The following CERS6 variants were observed in gnomAD, a reference collection of about 807,000 sequenced individuals.
CERS6 encodes the protein ceramide synthase 6, also known as LAG1 homolog, ceramide synthase 6.
Under a neutral mutation model 56.8 loss-of-function variants are expected in CERS6, and 26 were observed. The observed-to-expected ratio is 0.46, with a 90% confidence interval of 0.34 to 0.63. CERS6 has a LOEUF of 0.63. CERS6 is among the 30% of genes least tolerant of loss of function. The pLI is 0.01. For missense variants in CERS6, 415 were observed against 467.5 expected (o/e 0.89, Z 1.04); for synonymous variants, 164 against 173.3 (o/e 0.95, Z 0.42).
chr2:168,540,233 G>A (rs1383918921), intron 1 of CERS6, among the ~76,000 whole-genome samples: 3 of 151,774 alleles, frequency 2.0e-5, no homozygotes, highest in Admixed American at 2.0e-4. Context: ...GGGTTGGAGG[G>A]GACTCTACAT....
intron 6 of CERS6, among the ~76,000 whole-genome samples, chr2:168,701,956 T>C (rs956137664): frequency 5.3e-5 from 8 of 152,202 alleles, no homozygotes; most frequent in African/African-American, 1.7e-4. Flanking sequence ...CCTAATGCCA[T>C]GTAAATGCAA....
intron 6 of CERS6, among the ~76,000 whole-genome samples, chr2:168,695,699 C>T (rs999111818): frequency 1.3e-5 from 2 of 152,194 alleles, no homozygotes; most frequent in African/African-American, 4.8e-5. Context: ...ATGCCCCATG[C>T]TCTACATATT....
intron 1 of CERS6, among the ~76,000 whole-genome samples, chr2:168,520,879 G>A (rs1694966064): frequency 6.6e-6 from 1 of 151,854 alleles, no homozygotes; most frequent in African/African-American, 2.4e-5. Context: ...AAAGTGCTGG[G>A]ATTACAGACG....
intron 8 of CERS6, among the ~76,000 whole-genome samples, chr2:168,751,687 G>T (rs1028258851): frequency 6.6e-6 from 1 of 151,978 alleles, no homozygotes; most frequent in South Asian, 2.1e-4. Context: ...CTAAATCAAG[G>T]CCTTAATCTA....
At chr2:168,662,448 G>A (rs947411236) in intron 4 of CERS6, among the ~76,000 whole-genome samples, 1 of 152,112 alleles carries the variant, frequency 6.6e-6, no homozygotes, top group African/African-American at 2.4e-5. Flanking sequence ...CCTGGAAAGG[G>A]CCAGGCACGG....
At chr2:168,732,257 A>T (rs1450278684) in intron 8 of CERS6, among the ~76,000 whole-genome samples, 1 of 152,200 alleles carries the variant, frequency 6.6e-6, no homozygotes, top group Non-Finnish European at 1.5e-5. Flanking sequence ...TTTGGTAATC[A>T]TTCCTTTCCT....
intron 3 of CERS6, among the ~76,000 whole-genome samples, chr2:168,578,614 TAA>T (rs1244554976): frequency 6.6e-6 from 1 of 152,140 alleles, no homozygotes; most frequent in African/African-American, 2.4e-5. Context: ...TGTATAAAAA[TAA>T]GAGAGAAAGG....
intron 1 of CERS6, among the ~76,000 whole-genome samples, chr2:168,511,950 GCACA>G (rs10568314): frequency 0.048 from 7,101 of 147,918 alleles, 236 homozygotes; most frequent in East Asian, 0.2. Flanking sequence ...GCATGCACGT[GCACA>G]CACACACACA....
chr2:168,600,481 G>T (rs13384812), intron 3 of CERS6, among the ~76,000 whole-genome samples: 1 of 152,108 alleles, frequency 6.6e-6, no homozygotes, highest in African/African-American at 2.4e-5. Flanking sequence ...TGGGATTACA[G>T]GCGTGAGCCA....
intron 3 of CERS6, among the ~76,000 whole-genome samples, chr2:168,576,989 G>A (rs1683291305): frequency 6.6e-6 from 1 of 152,200 alleles, no homozygotes; most frequent in Non-Finnish European, 1.5e-5. Flanking sequence ...TTTGATTTTG[G>A]TCATGTGAAT....
chr2:168,545,536 G>A (rs1695450983), intron 1 of CERS6, among the ~76,000 whole-genome samples: 1 of 151,316 alleles, frequency 6.6e-6, no homozygotes, highest in African/African-American at 2.4e-5. Context: ...TGATAACAGA[G>A]GTGAGGAAGT....
Position 168,765,484 on chromosome 2 carries a change from G to T in CERS6, c.846-108G>T, listed in dbSNP as rs186003084. On this transcript the variant is annotated intron_variant, in intron 8 of 9. Coordinates refer to ENST00000305747, the MANE Select transcript of CERS6 (RefSeq NM_203463.3). ...CTTTCACACCATCCTGCCAGAGAGG[G>T]GGTAGTTGGGAGATATTGTTGACCT... The T allele has an allele frequency of 2.3e-4, 250 of 1,090,650 alleles. 3 individuals are homozygous for T. In the East Asian group the frequency reaches 5.4e-3, roughly 24 times the overall value. 67.6% of individuals were successfully genotyped at this position (1,090,650 alleles called of 1,614,324 possible).
intron 4 of CERS6, among the ~76,000 whole-genome samples, chr2:168,654,281 G>T (rs1388048966): frequency 6.6e-6 from 1 of 152,152 alleles, no homozygotes; most frequent in East Asian, 1.9e-4. Context: ...TGGTGTGGTG[G>T]CTAATGCCTG....
intron 4 of CERS6, among the ~76,000 whole-genome samples, chr2:168,684,755 A>G (rs1052784944): frequency 3.3e-5 from 5 of 152,210 alleles, no homozygotes; most frequent in African/African-American, 1.2e-4. Flanking sequence ...GGGAAACATA[A>G]TTATCACTTG....
intron 1 of CERS6, among the ~76,000 whole-genome samples, chr2:168,481,445 C>T (rs188258715): frequency 7.9e-5 from 12 of 152,236 alleles, no homozygotes; most frequent in East Asian, 1.9e-4. Flanking sequence ...GGTCATCAGC[C>T]GCAAGCTGAC....
At chr2:168,675,008 G>T (rs900776513) in intron 4 of CERS6, among the ~76,000 whole-genome samples, 2 of 151,632 alleles carry the variant, frequency 1.3e-5, no homozygotes, top group African/African-American at 4.9e-5. Context: ...GCGGAGTCTT[G>T]CTGTGTCGCC....
chr2:168,606,115 A>G (rs1049346476), intron 3 of CERS6, among the ~76,000 whole-genome samples: 2 of 152,196 alleles, frequency 1.3e-5, no homozygotes, highest in Non-Finnish European at 2.9e-5. Context: ...ATGGGGACTG[A>G]GCCCTGCAAA....
rs78551025 is a variant in CERS6 at position 168,725,871 on chromosome 2, G to T, written c.845+7893G>T. Among the ~76,000 whole-genome samples, 1,084 of 152,308 alleles carry T rather than the reference G, an allele frequency of 7.1e-3. 11 individuals carry two copies. The highest frequency in any genetic ancestry group is 0.024 in the African/African-American group (1,016 of 41,562). On this transcript the variant is annotated intron_variant, in intron 8 of 9. Coordinates refer to ENST00000305747, the MANE Select transcript of CERS6 (RefSeq NM_203463.3). The stretch of plus-strand genomic sequence containing the variant: ...TCAAAAATCTATGCATTGTAGCCTT[G>T]ACTTTGTAGTCACACAGTCAGTGAT...
intron 8 of CERS6, among the ~76,000 whole-genome samples, chr2:168,738,237 C>CATTAGCTATTACATT (rs1431389894): frequency 3.9e-5 from 6 of 152,182 alleles, no homozygotes; most frequent in African/African-American, 1.4e-4. Context: ...TTTCTGCTTA[C>CATTAGCTATTACATT]AGCTATTAGC....
Sources: allele counts gnomAD v4.1 joint callset (sites outside exome capture counted in the v4.1 genomes callset), GRCh38; gene constraint gnomAD v4.1.1; transcripts MANE v1.5; gene names NCBI Gene and HGNC (gene_info 2026-07-23, HGNC 2026-07-21).